Variants in TRAPPC12 observed in about 807,000 individuals in gnomAD.
TRAPPC12 encodes the protein trafficking protein particle complex subunit 12, also known as TPR repeat protein 15.
A neutral mutation model predicts 69.2 loss-of-function variants in TRAPPC12; 61 were observed. That is an observed-to-expected ratio of 0.88 (90% CI 0.72 to 1.09). The LOEUF (loss-of-function observed/expected upper bound fraction) is 1.09, where lower values mean the gene tolerates loss of function less well. TRAPPC12 is among the 50% of genes least tolerant of loss of function. TRAPPC12 has a pLI of 0.00. For missense variants in TRAPPC12, 1,101 were observed against 1,016.4 expected, an observed-to-expected ratio of 1.08 and a Z score of -1.13; for synonymous variants, 469 against 438.9, an observed-to-expected ratio of 1.07 and a Z score of -0.86.
intron 5 of TRAPPC12, among the ~76,000 whole-genome samples, chr2:3,438,540 C>A (rs1664010796): frequency 7.9e-6 from 1 of 126,380 alleles, no homozygotes; most frequent in Non-Finnish European, 1.6e-5. Context: ...TGGGTTAATC[C>A]CCACCACCCG....
chr2:3,477,945 T>C (rs4535075), intron 10 of TRAPPC12, 150 bp downstream of exon 10: 216,036 of 500,092 alleles, frequency 0.43, 47,299 homozygotes, highest in African/African-American at 0.57. Context: ...CCAAGGAGTA[T>C]ACAGGTGTTT....
intron 3 of TRAPPC12, among the ~76,000 whole-genome samples, chr2:3,409,855 A>T (rs1053222886): frequency 2.7e-5 from 4 of 150,730 alleles, no homozygotes; most frequent in Admixed American, 6.6e-5. Flanking sequence ...TAAATTAGAG[A>T]TGAAGGGGCT....
intron 3 of TRAPPC12, among the ~76,000 whole-genome samples, chr2:3,402,912 C>T (rs894405938): frequency 6.6e-6 from 1 of 152,168 alleles, no homozygotes; most frequent in Non-Finnish European, 1.5e-5. Flanking sequence ...CAAAGCCATG[C>T]TCCCATGCCT....
intron 5 of TRAPPC12, among the ~76,000 whole-genome samples, chr2:3,427,317 G>T (rs114460007): frequency 6.6e-6 from 1 of 152,152 alleles, no homozygotes; most frequent in Non-Finnish European, 1.5e-5. Context: ...TGCCTGGGCC[G>T]GGGACTGGAA....
chr2:3,423,930 T>C (rs1572138119), intron 4 of TRAPPC12, among the ~76,000 whole-genome samples: 1 of 152,198 alleles, frequency 6.6e-6, no homozygotes, highest in Non-Finnish European at 1.5e-5. Context: ...ACTCTGTACC[T>C]TTGTCCTTAC....
intron 5 of TRAPPC12, among the ~76,000 whole-genome samples, chr2:3,425,128 G>A (rs1409473914): frequency 2.6e-5 from 4 of 152,216 alleles, no homozygotes; most frequent in African/African-American, 7.2e-5. Flanking sequence ...TTTGGGTCAC[G>A]GTCACGACCA....
intron 2 of TRAPPC12, among the ~76,000 whole-genome samples, chr2:3,392,019 C>T (rs1170706871): frequency 2.6e-5 from 4 of 152,166 alleles, no homozygotes; most frequent in Non-Finnish European, 5.9e-5. Context: ...CAACTGGGTG[C>T]TGCAGTCCAA....
rs537312807 is a variant in TRAPPC12 at position 3,477,131 on chromosome 2, G to C, written c.1777-564G>C. On this transcript the variant is annotated intron_variant, in intron 9 of 11. Transcript: ENST00000324266. ...CACCCCCCAGGCCTCCTCTGCCACA[G>C]GCCTGCTGCATCCGGCTGCATTTCA... 6.6e-5 allele frequency among the ~76,000 whole-genome samples: 10 copies of C among 152,332 alleles called. No individual in the cohort carries two copies. In the East Asian group the frequency reaches 1.9e-3, roughly 29 times the overall value.
At chr2:3,479,015 G>A (rs1357669846) in intron 11 of TRAPPC12, 82 bp downstream of exon 11, 15 of 1,504,890 alleles carry the variant, frequency 1.0e-5, no homozygotes, top group African/African-American at 1.4e-5. Flanking sequence ...GTCTCAGCAG[G>A]GGCCTGCGCT....
chr2:3,421,087 C>T (rs1215745832), intron 3 of TRAPPC12, among the ~76,000 whole-genome samples: 1 of 152,192 alleles, frequency 6.6e-6, no homozygotes, highest in Non-Finnish European at 1.5e-5. Context: ...GAAATGAGGA[C>T]ATCTACCGTA....
Position 3,387,847 on chromosome 2 carries a change from C to CTG in TRAPPC12, c.224_225insTG (p.Pro76AlafsTer106), listed in dbSNP as rs1660570374. 1 of 1,603,506 alleles carries CTG rather than the reference C, an allele frequency of 6.2e-7. No homozygotes were observed. Among genetic ancestry groups the CTG allele is most frequent in the Non-Finnish European group, 8.5e-7 (1 of 1,172,324 alleles). ...ATGGAGAGCGTCCTCATCTCTGACT[C>CTG]CCCCAACAGCGAGGGCGACGCGGGC... is the stretch of plus-strand genomic sequence containing the variant. On this transcript the variant is annotated frameshift_variant, in exon 2 of 12. Transcript: ENST00000324266. LOFTEE classifies it high-confidence loss of function.
intron 3 of TRAPPC12, 157 bp from the exon 4 acceptor site, chr2:3,421,724 G>A (rs904689161): frequency 1.5e-5 from 11 of 736,096 alleles, no homozygotes; most frequent in South Asian, 5.9e-5. Flanking sequence ...ATGCCCCTCC[G>A]TGCCGTCAGC....
At chr2:3,460,518 C>T (rs1171708160) in intron 8 of TRAPPC12, 182 bp downstream of exon 8, 7 of 493,484 alleles carry the variant, frequency 1.4e-5, no homozygotes, top group Non-Finnish European at 1.8e-5. Flanking sequence ...TTTATTTCTA[C>T]TGCAAGAAAT....
At chr2:3,380,647 G>A (rs967418316) in intron 1 of TRAPPC12, among the ~76,000 whole-genome samples, 1 of 152,224 alleles carries the variant, frequency 6.6e-6, no homozygotes, top group Admixed American at 6.5e-5. Context: ...CCCGTCTTGG[G>A]ATTGGGGTGG....
At chr2:3,452,749 C>T (rs1664919391) in intron 6 of TRAPPC12, among the ~76,000 whole-genome samples, 1 of 152,232 alleles carries the variant, frequency 6.6e-6, no homozygotes, top group Non-Finnish European at 1.5e-5. Context: ...GCATTAATTT[C>T]ATTGCTCCCC....
intron 7 of TRAPPC12, 181 bp from the exon 8 acceptor site, chr2:3,460,082 G>T: frequency 1.5e-6 from 1 of 676,502 alleles, no homozygotes; most frequent in South Asian, 1.7e-5. Context: ...GTCCCAATGC[G>T]AGTGCTGTAT....
chr2:3,425,994 G>A (rs539333895), intron 5 of TRAPPC12, among the ~76,000 whole-genome samples: 4 of 152,088 alleles, frequency 2.6e-5, no homozygotes, highest in African/African-American at 9.7e-5. Context: ...GAATGTAGAC[G>A]CCGGCTTTCT....
intron 5 of TRAPPC12, among the ~76,000 whole-genome samples, chr2:3,436,531 A>G (rs528380534): frequency 1.3e-5 from 2 of 152,196 alleles, no homozygotes; most frequent in East Asian, 3.9e-4. Context: ...TAAGTATAAA[A>G]ATTTTGCATT....
chr2:3,463,175 G>A (rs1021727766), intron 8 of TRAPPC12: 5 of 296,612 alleles, frequency 1.7e-5, no homozygotes, highest in Non-Finnish European at 3.4e-5. Flanking sequence ...GTGAAGGGCT[G>A]TTTCCTCTTC....
Sources: allele counts gnomAD v4.1 joint callset (sites outside exome capture counted in the v4.1 genomes callset), GRCh38; gene constraint gnomAD v4.1.1; transcripts MANE v1.5; gene names NCBI Gene and HGNC (gene_info 2026-07-23, HGNC 2026-07-21).